SEMA4G: variants seen among roughly 807,000 people sequenced by gnomAD.
SEMA4G encodes the protein semaphorin-4G.
SEMA4G carries 59 observed loss-of-function variants against 81.2 expected under a neutral mutation model. That is an observed-to-expected ratio of 0.73 (90% CI 0.59 to 0.90). SEMA4G has a LOEUF of 0.90. Among genes scored for constraint, SEMA4G ranks in the 40% least tolerant of loss-of-function variants. SEMA4G has a pLI of 0.00. For missense variants in SEMA4G, 952 were observed against 1,102.3 expected, an observed-to-expected ratio of 0.86 and a Z score of 1.93; for synonymous variants, 404 against 433.9, an observed-to-expected ratio of 0.93 and a Z score of 0.86.
In SEMA4G at chr10:100,980,112, C is replaced by A; in HGVS notation, c.1129-10C>A. The A allele has an allele frequency of 6.2e-7, 1 of 1,614,074 alleles. No individual in the cohort carries two copies. Among genetic ancestry groups the A allele is most frequent in the Non-Finnish European group, 8.5e-7 (1 of 1,179,904 alleles). Reference sequence around the variant, plus strand: ...GTCCCGAGGTTCACCACCTTCGTCCCCCACGCCAGTGTATCACAGATTCAT... The same window carrying A: ...GTCCCGAGGTTCACCACCTTCGTCCACCACGCCAGTGTATCACAGATTCAT... On this transcript the variant is annotated splice_polypyrimidine_tract_variant and intron_variant, in intron 9 of 13. Transcript: ENST00000370250.
exon 1 of SEMA4G, chr10:100,972,620 C>A: frequency 2.8e-6 from 1 of 362,096 alleles, no homozygotes; most frequent in Non-Finnish European, 5.0e-6. Flanking sequence ...CTTCACAACT[C>A]CCTCTCACCA....
upstream of SEMA4G, chr10:100,969,612 G>C (rs1302287644): frequency 6.8e-6 from 2 of 294,506 alleles, no homozygotes; most frequent in African/African-American, 2.3e-5. Context: ...CGAGGAGTGC[G>C]GGCGGCGCCC....
At chr10:100,981,485 A>C in intron 13 of SEMA4G, 1 of 1,614,206 alleles carries the variant, frequency 6.2e-7, no homozygotes, top group Non-Finnish European at 8.5e-7. Flanking sequence ...AGTGGATGAC[A>C]AGGGTTCAGG....
chr10:100,978,075 T>C, intron 4 of SEMA4G: 2 of 583,894 alleles, frequency 3.4e-6, no homozygotes, highest in South Asian at 2.0e-5. Flanking sequence ...GGAGTGAATC[T>C]CTAGGTTGGC....
chr10:100,978,598 C>T (rs759497574), exon 6 of SEMA4G: 10 of 1,614,150 alleles, frequency 6.2e-6, no homozygotes, highest in Non-Finnish European at 8.5e-6. Flanking sequence ...CCGCCACCCA[C>T]ACTCCCTGAG....
At chr10:100,979,500 G>A (rs1850954965) in intron 8 of SEMA4G, 11 of 1,185,622 alleles carry the variant, frequency 9.3e-6, no homozygotes, top group Admixed American at 5.5e-5. Flanking sequence ...ATCCTGCCTC[G>A]GCCTCCCGAG....
chr10:100,980,891 T>C (rs2133887521), exon 12 of SEMA4G: 2 of 1,611,588 alleles, frequency 1.2e-6, no homozygotes, highest in Non-Finnish European at 1.7e-6. Flanking sequence ...CCGCTACCGA[T>C]CCTGCTATGA....
intron 10 of SEMA4G, 103 bp downstream of exon 11, chr10:100,980,447 G>A: frequency 7.3e-7 from 1 of 1,363,486 alleles, no homozygotes; most frequent in South Asian, 1.2e-5. Flanking sequence ...AGTGTCCTGA[G>A]GGTCCACTGC....
rs1329322742 is a variant in SEMA4G at position 100,982,590 on chromosome 10, G to A, written c.1691-715G>A. Among the ~76,000 whole-genome samples the A allele has an allele frequency of 3.9e-5, 6 of 152,162 alleles. No individual in the cohort carries two copies. The East Asian group carries it at 9.6e-4, about 24-fold the overall frequency. On this transcript the variant is annotated intron_variant, in intron 13 of 13. Coordinates refer to ENST00000370250, the Ensembl canonical transcript of SEMA4G. Reference sequence around the variant, plus strand: ...GTGGATCACTTGAGGTCAGGAGTTCGAGACAAGCCTGGCCAACATGGTGAA... The same window carrying A: ...GTGGATCACTTGAGGTCAGGAGTTCAAGACAAGCCTGGCCAACATGGTGAA...
intron 13 of SEMA4G, among the ~76,000 whole-genome samples, chr10:100,981,805 C>T (rs1317786233): frequency 1.3e-5 from 2 of 152,170 alleles, no homozygotes; most frequent in Non-Finnish European, 2.9e-5. Context: ...CGCCTGTAAT[C>T]CCAGCACTTC....
exon 10 of SEMA4G, chr10:100,980,307 T>G: frequency 6.2e-7 from 1 of 1,614,234 alleles, no homozygotes; most frequent in Non-Finnish European, 8.5e-7. Context: ...TCACCACGCC[T>G]GCTGGACCTA....
exon 8 of SEMA4G, chr10:100,979,195 C>G (rs576159833): frequency 6.8e-6 from 11 of 1,614,204 alleles, no homozygotes; most frequent in Non-Finnish European, 9.3e-6. Context: ...TGAGACACTG[C>G]GTGGGGTCTG....
chr10:100,984,688 T>C, exon 14 of SEMA4G: 1 of 1,536,244 alleles, frequency 6.5e-7, no homozygotes. Flanking sequence ...TCTTGTTTCA[T>C]CCCTGCTTCT....
chr10:100,972,923 G>A, exon 1 of SEMA4G: 1 of 1,608,510 alleles, frequency 6.2e-7, no homozygotes, highest in Non-Finnish European at 8.5e-7. Flanking sequence ...ATGTGGGGGA[G>A]GCTCTGGCCC....
At chr10:100,969,890 G>A (rs1273406748), upstream of SEMA4G, 1 of 455,888 alleles carries the variant, frequency 2.2e-6, no homozygotes, top group Non-Finnish European at 4.4e-6. Context: ...GATCGAAGGA[G>A]AGCTTGTCCT....
intron 3 of SEMA4G, 85 bp from the exon 5 acceptor site, chr10:100,977,546 GC>G (rs1850854467): frequency 9.8e-7 from 1 of 1,025,386 alleles, no homozygotes; most frequent in East Asian, 2.4e-5. Context: ...GTGGGTGGGG[GC>G]AAGAGCCAAA....
chr10:100,980,385 C>G, intron 10 of SEMA4G, 41 bp downstream of exon 11: 1 of 1,565,972 alleles, frequency 6.4e-7, no homozygotes, highest in Non-Finnish European at 8.8e-7. Context: ...TGGCCCTGAT[C>G]ACTAATGCTT....
chr10:100,977,914 A>G (rs1850871113), intron 4 of SEMA4G, 184 bp downstream of exon 5: 1 of 601,626 alleles, frequency 1.7e-6, no homozygotes, highest in African/African-American at 1.9e-5. Context: ...TGTAAAAACC[A>G]TGCAGTTTTT....
At chr10:100,978,914 A>C (rs1297186803) in exon 7 of SEMA4G, 5 of 1,614,194 alleles carry the variant, frequency 3.1e-6, no homozygotes, top group Non-Finnish European at 4.2e-6. Flanking sequence ...TGATGATGAC[A>C]AGGTGTACTA....
Sources: gnomAD v4.1 joint callset for allele counts (sites outside exome capture counted in the v4.1 genomes callset) on GRCh38, gnomAD v4.1.1 for gene constraint, MANE v1.5 for transcripts, NCBI Gene and HGNC (gene_info 2026-07-23, HGNC 2026-07-21) for gene names.